Variants in SNU13 observed in about 807,000 individuals in gnomAD.
SNU13 encodes the protein small nuclear ribonucleoprotein 13.
In SNU13, 2 loss-of-function variants were observed where a neutral mutation model predicts 12.4. The ratio of observed to expected loss-of-function variants is 0.16; its 90% confidence interval spans 0.07 to 0.51. The LOEUF (loss-of-function observed/expected upper bound fraction) is 0.51. Ranked by LOEUF, SNU13 falls within the 20% of genes least tolerant of loss-of-function variation. SNU13 has a pLI of 0.96. For synonymous variants in SNU13, 68 were observed against 66.5 expected, an observed-to-expected ratio of 1.02 and a Z score of -0.11; for missense variants, 66 against 157.8, an observed-to-expected ratio of 0.42 and a Z score of 3.12.
intron 1 of SNU13, chr22:41,687,953 G>T (rs2068325642): frequency 6.6e-6 from 1 of 152,204 alleles, no homozygotes; most frequent in Non-Finnish European, 1.5e-5. Flanking sequence ...ATGGGAGGAG[G>T]TTTGTGGGGA....
In SNU13 at chr22:41,681,016, G is replaced by A. The variant is rs142749363; in HGVS notation, c.4-652C>T. ...GGGTAATCTTTAAATTTGAACTTCC[G>A]TATTCCACCTGAATTTACTGAATCA... On this transcript the variant is annotated intron_variant, in intron 1 of 2. Transcript: ENST00000401959. 1.4e-3 allele frequency among the ~76,000 whole-genome samples: 206 copies of A among 152,272 alleles called. 2 individuals are homozygous for A. The highest frequency in any genetic ancestry group is 4.7e-3 in the African/African-American group (194 of 41,560).
chr22:41,674,746 A>G lies in SNU13; in HGVS notation c.*187T>C. 4.2e-6 allele frequency: 3 copies of G among 715,726 alleles called. No individual in the cohort carries two copies. The highest frequency in any genetic ancestry group is 2.0e-5 in the South Asian group (1 of 49,648). 44.3% of individuals were successfully genotyped at this position (715,726 alleles called of 1,614,324 possible). A position where few individuals can be genotyped will look rare whatever the true frequency, so the allele number is the denominator to read the frequency against. ...AGGATGAAGGATGGCAGAGGGAGGG[A>G]GGAAAGGAAGGGGGATAGCAACCCT... On this transcript the variant is annotated 3_prime_UTR_variant, in exon 3 of 3. Transcript: ENST00000401959.
rs980208370 is a variant in SNU13, at chr22:41,685,583, A to C, written c.3+3211T>G. On this transcript the variant is annotated intron_variant, in intron 1 of 2. Coordinates refer to ENST00000401959, the MANE Select transcript of SNU13 (RefSeq NM_001003796.2). ...TGGCCAGGCTGGTCTTGAACTCCTGACCTTGTGATCCGCCCACCTCAGCCT... is the reference window on the plus strand; with the variant it reads ...TGGCCAGGCTGGTCTTGAACTCCTGCCCTTGTGATCCGCCCACCTCAGCCT... Among the ~76,000 whole-genome samples the C allele has an allele frequency of 4.0e-5, 6 of 150,086 alleles. No individual in the cohort carries two copies. In the South Asian group the frequency reaches 1.1e-3, roughly 27 times the overall value.
In SNU13 at chr22:41,682,412, G is replaced by A. The variant is rs201764672; in HGVS notation, c.4-2048C>T. On this transcript the variant is annotated intron_variant, in intron 1 of 2. Transcript: ENST00000401959. ...ACACCGCGAGGATACCACGCGTGTC[G>A]GTTTGGACGGTCTGCTGCCCAGCAC... is the stretch of plus-strand genomic sequence containing the variant. 198 of 1,613,034 alleles carry A rather than the reference G, an allele frequency of 1.2e-4. 2 individuals are homozygous for A. The Middle Eastern group carries it at 2.8e-3, about 23-fold the overall frequency.
At chr22:41,678,113 C>T (rs2068229975) in intron 2 of SNU13, among the ~76,000 whole-genome samples, 1 of 152,026 alleles carries the variant, frequency 6.6e-6, no homozygotes, top group Non-Finnish European at 1.5e-5. Flanking sequence ...GCAGCTGGGA[C>T]TATAGGCGCC....
upstream of SNU13, among the ~76,000 whole-genome samples, chr22:41,689,487 GTGAACC>G (rs1569113059): frequency 1.0e-4 from 15 of 144,352 alleles, no homozygotes; most frequent in African/African-American, 3.9e-4. Context: ...GGCTAACACA[GTGAACC>G]GTCTCTACTA....
At chr22:41,689,849 A>C (rs568219382), upstream of SNU13, among the ~76,000 whole-genome samples, 239 of 148,826 alleles carry the variant, frequency 1.6e-3, 1 homozygote, top group Non-Finnish European at 3.1e-3. Flanking sequence ...GTGGTGGCGC[A>C]TGCCTGTAAT....
At chr22:41,688,948 G>A (rs573559517), upstream of SNU13, 9 of 1,383,380 alleles carry the variant, frequency 6.5e-6, no homozygotes, top group Middle Eastern at 2.6e-4. Context: ...AGTGGGCCCC[G>A]CCCTCTACGG....
Position 41,674,673 on chromosome 22 carries a change from C to T in SNU13, c.*260G>A, listed in dbSNP as rs758162029. ...TTTCTGCCTTTCAACGGTGCCACCA[C>T]CCTGCTTCTGTCTGCTCTGAACACT... On this transcript the variant is annotated 3_prime_UTR_variant, in exon 3 of 3. Transcript: ENST00000401959. 13 of 444,676 alleles carry T rather than the reference C, an allele frequency of 2.9e-5. No homozygotes were observed. Among genetic ancestry groups the T allele is most frequent in the Non-Finnish European group, 5.2e-5 (13 of 247,624 alleles). The allele number at this position is 444,676 out of a possible 1,614,324, so 27.5% of individuals were successfully genotyped here.
rs2068273408 is a variant in SNU13 at position 41,682,484 on chromosome 22, C to A, written c.4-2120G>T. ...CCCCCAAGAGCAGGAAGTGACGCCA[C>A]TGCCGCCAGCGGAAGTGACGTCCAG... On this transcript the variant is annotated intron_variant, in intron 1 of 2. Coordinates refer to ENST00000401959, the MANE Select transcript of SNU13 (RefSeq NM_001003796.2). 3 of 1,579,164 alleles carry A rather than the reference C, an allele frequency of 1.9e-6. No individual in the cohort carries two copies. In the East Asian group the frequency reaches 6.9e-5, roughly 36 times the overall value.
intron 2 of SNU13, among the ~76,000 whole-genome samples, chr22:41,676,117 C>A (rs1055520312): frequency 3.9e-5 from 6 of 152,132 alleles, no homozygotes; most frequent in Non-Finnish European, 5.9e-5. Flanking sequence ...CCACAAACCC[C>A]CACCAGCAAG....
At position 41,674,579 on chromosome 22, in the gene SNU13, A is replaced by G. The variant is rs1439724397; in HGVS notation, c.*354T>C. 3.6e-6 allele frequency: 1 copy of G among 274,894 alleles called. No individual in the cohort carries two copies. The highest frequency in any genetic ancestry group is 7.1e-6 in the Non-Finnish European group (1 of 141,748). The allele number at this position is 274,894 out of a possible 1,614,324, so 17.0% of individuals were successfully genotyped here. Reference sequence around the variant, plus strand: ...TTTAATTCCACCACACCCCGCACACAACAGGAAGCTAGTGGCTGAAAGCTG... The same window carrying G: ...TTTAATTCCACCACACCCCGCACACGACAGGAAGCTAGTGGCTGAAAGCTG... On this transcript the variant is annotated 3_prime_UTR_variant, in exon 3 of 3. Transcript: ENST00000401959.
intron 1 of SNU13, 83 bp downstream of exon 1, chr22:41,688,711 T>C (rs2068333132): frequency 5.9e-6 from 9 of 1,530,772 alleles, no homozygotes; most frequent in Non-Finnish European, 8.0e-6. Context: ...GCGCAGGCTC[T>C]AAGCCTCCAT....
intron 1 of SNU13, chr22:41,681,656 C>T (rs1287810316): frequency 6.6e-6 from 1 of 152,086 alleles, no homozygotes; most frequent in South Asian, 2.1e-4. Context: ...AAAATTCTTA[C>T]TTTATAGATA....
At chr22:41,676,600 G>T (rs989474138) in intron 2 of SNU13, among the ~76,000 whole-genome samples, 4 of 151,588 alleles carry the variant, frequency 2.6e-5, no homozygotes, top group Non-Finnish European at 5.9e-5. Context: ...AGTTATGCTG[G>T]GTTTGAATTG....
intron 2 of SNU13, among the ~76,000 whole-genome samples, chr22:41,678,474 A>T (rs942023779): frequency 6.6e-6 from 1 of 152,144 alleles, no homozygotes; most frequent in African/African-American, 2.4e-5. Context: ...AAATTGTTGC[A>T]TCTCCCTCCC....
At chr22:41,683,323 G>A (rs1344139398) in intron 1 of SNU13, among the ~76,000 whole-genome samples, 14 of 152,040 alleles carry the variant, frequency 9.2e-5, no homozygotes, top group Non-Finnish European at 1.5e-5. Flanking sequence ...TAATCTTTCT[G>A]AGGGGGACTT....
chr22:41,685,408 C>T (rs989042712), intron 1 of SNU13, among the ~76,000 whole-genome samples: 1 of 151,924 alleles, frequency 6.6e-6, no homozygotes, highest in Non-Finnish European at 1.5e-5. Flanking sequence ...GGCTGGAGTG[C>T]AGTGGCACAA....
upstream of SNU13, chr22:41,689,188 C>A (rs2068339768): frequency 1.4e-6 from 1 of 723,520 alleles, no homozygotes; most frequent in Non-Finnish European, 1.7e-6. Flanking sequence ...ATGGCGAAAC[C>A]TCGTCCCTAC....
Sources: allele counts gnomAD v4.1 joint callset (sites outside exome capture counted in the v4.1 genomes callset), GRCh38; gene constraint gnomAD v4.1.1; transcripts MANE v1.5; gene names NCBI Gene and HGNC (gene_info 2026-07-23, HGNC 2026-07-21).